Variants in INSL6 observed in about 807,000 individuals in gnomAD.
INSL6 encodes insulin-like peptide INSL6.
Under a neutral mutation model 9.4 loss-of-function variants are expected in INSL6, and 16 were observed. That is an observed-to-expected ratio of 1.70 (90% confidence interval 1.15 to 2.59). The LOEUF is 2.59. Among genes scored for constraint, INSL6 ranks in the 30% most tolerant of loss-of-function variants. The pLI is 0.00. For missense variants in INSL6, 391 were observed against 257.3 expected (o/e 1.52, Z -3.56); for synonymous variants, 154 against 96.9 (o/e 1.59, Z -3.46).
the INSL6 span, among the ~76,000 whole-genome samples, chr9:5,037,822 G>T: frequency 1.3e-5 from 2 of 152,140 alleles, no homozygotes; most frequent in Non-Finnish European, 2.9e-5. Context: ...TAACCTGCAT[G>T]TTGTGCACAT....
chr9:5,103,870 G>A, the INSL6 span, among the ~76,000 whole-genome samples: 4 of 152,042 alleles, frequency 2.6e-5, no homozygotes, highest in Non-Finnish European at 4.4e-5. Flanking sequence ...TGAAACCAAC[G>A]AGAACAAAGA....
chr9:5,121,322 G>C (rs984261941), downstream of INSL6, among the ~76,000 whole-genome samples: 1 of 152,152 alleles, frequency 6.6e-6, no homozygotes, highest in Non-Finnish European at 1.5e-5. Context: ...TTTCATTCAA[G>C]TTCTTAGGAT....
At chr9:5,179,913 A>G (rs1825407994) in intron 1 of INSL6, among the ~76,000 whole-genome samples, 1 of 152,182 alleles carries the variant, frequency 6.6e-6, no homozygotes, top group South Asian at 2.1e-4. Context: ...TACATAGGTG[A>G]TAGGATGATC....
the INSL6 span, among the ~76,000 whole-genome samples, chr9:5,083,155 A>T: frequency 1.1e-4 from 17 of 152,194 alleles, no homozygotes; most frequent in Admixed American, 1.1e-3. Context: ...TACAGAAAGG[A>T]ATACATAAGC....
chr9:5,153,104 C>T (rs9695933), intron 2 of INSL6, among the ~76,000 whole-genome samples: 61,540 of 151,504 alleles, frequency 0.41, 14,915 homozygotes, highest in African/African-American at 0.69. Context: ...CAGCACAAAA[C>T]TGGCCAGCTG....
At chr9:5,134,624 G>C (rs985080773) in intron 2 of INSL6, among the ~76,000 whole-genome samples, 2 of 152,084 alleles carry the variant, frequency 1.3e-5, no homozygotes, top group African/African-American at 4.8e-5. Context: ...AATCCCTCAC[G>C]AAGAAGCAAA....
chr9:5,167,897 C>T (rs549488462), intron 1 of INSL6, among the ~76,000 whole-genome samples: 2 of 152,268 alleles, frequency 1.3e-5, no homozygotes, highest in Admixed American at 6.5e-5. Context: ...TGGTCTGCAG[C>T]CTCCACGGTG....
At chr9:5,064,868 C>T in the INSL6 span, 2 of 1,506,026 alleles carry the variant, frequency 1.3e-6, no homozygotes, top group Admixed American at 2.2e-5. Context: ...ATTTCTTTTT[C>T]TTTTCTCTGC....
chr9:5,062,896 G>A, the INSL6 span, among the ~76,000 whole-genome samples: 1 of 151,942 alleles, frequency 6.6e-6, no homozygotes, highest in South Asian at 2.1e-4. Flanking sequence ...CATGTCCTTT[G>A]ACTAGTTTTC....
chr9:5,117,631 C>T, the INSL6 span, among the ~76,000 whole-genome samples: 1 of 151,938 alleles, frequency 6.6e-6, no homozygotes, highest in Non-Finnish European at 1.5e-5. Flanking sequence ...CCATAAAATA[C>T]ATTACTTATG....
chr9:5,063,664 T>A, the INSL6 span, among the ~76,000 whole-genome samples: 2 of 152,050 alleles, frequency 1.3e-5, no homozygotes, highest in Non-Finnish European at 2.9e-5. Context: ...TGGTTAATCT[T>A]CTATATATTT....
At chr9:5,177,492 C>T (rs374683486) in intron 1 of INSL6, among the ~76,000 whole-genome samples, 1 of 152,178 alleles carries the variant, frequency 6.6e-6, no homozygotes, top group African/African-American at 2.4e-5. Context: ...CTCAGCAGAG[C>T]AAACGCTCAG....
chr9:5,089,664 T>G, the INSL6 span: 4 of 1,316,540 alleles, frequency 3.0e-6, no homozygotes, highest in Non-Finnish European at 3.9e-6. Flanking sequence ...TAATGTGATG[T>G]GTCATTTAGG....
At chr9:5,071,622 G>C in the INSL6 span, among the ~76,000 whole-genome samples, 7 of 152,156 alleles carry the variant, frequency 4.6e-5, no homozygotes, top group African/African-American at 1.7e-4. Context: ...GCAGCAGTTA[G>C]GGAGAAAGAA....
At chr9:5,049,318 A>G in the INSL6 span, among the ~76,000 whole-genome samples, 1 of 152,200 alleles carries the variant, frequency 6.6e-6, no homozygotes. Flanking sequence ...TCGGACCCCA[A>G]CTTACTTTTC....
At chr9:5,043,833 AAG>A in the INSL6 span, among the ~76,000 whole-genome samples, 1 of 152,242 alleles carries the variant, frequency 6.6e-6, no homozygotes, top group Admixed American at 6.5e-5. Context: ...TGCTGAGTGA[AAG>A]AAGGCAGACA....
chr9:5,078,042 C>G, the INSL6 span, among the ~76,000 whole-genome samples: 37 of 152,250 alleles, frequency 2.4e-4, no homozygotes, highest in African/African-American at 8.7e-4. Flanking sequence ...GAAACACAAA[C>G]CATGTCAGCC....
chr9:5,092,870 G>C, the INSL6 span, among the ~76,000 whole-genome samples: 13 of 152,232 alleles, frequency 8.5e-5, no homozygotes, highest in East Asian at 2.3e-3. Flanking sequence ...TAATGTCCCT[G>C]TAAGTTTAAC....
At chr9:5,138,272 T>G (rs202131589) in intron 2 of INSL6, among the ~76,000 whole-genome samples, 2 of 151,672 alleles carry the variant, frequency 1.3e-5, no homozygotes, top group African/African-American at 4.8e-5. Flanking sequence ...ACTATAAAGA[T>G]ACATGCACAC....
Sources: allele counts gnomAD v4.1 joint callset (sites outside exome capture counted in the v4.1 genomes callset), GRCh38; gene constraint gnomAD v4.1.1; transcripts MANE v1.5; gene names NCBI Gene and HGNC (gene_info 2026-07-23, HGNC 2026-07-21).